The following HERC2 variants were observed in gnomAD, a reference collection of about 807,000 sequenced individuals.
HERC2 encodes E3 ubiquitin-protein ligase HERC2.
A neutral mutation model predicts 537.7 loss-of-function variants in HERC2; 102 were observed. The ratio of observed to expected loss-of-function variants is 0.19; its 90% CI spans 0.16 to 0.22. HERC2 has a LOEUF of 0.22. Ranked by LOEUF, HERC2 falls within the 10% of genes least tolerant of loss-of-function variation. The pLI, the probability that HERC2 is intolerant of heterozygous loss-of-function variation, is 1.00. For synonymous variants in HERC2, 2,224 were observed against 2,466.2 expected, an observed-to-expected ratio of 0.90 and a Z score of 2.91; for missense variants, 4,236 against 6,198.2, an observed-to-expected ratio of 0.68 and a Z score of 10.63.
At chr15:28,209,694 T>C (rs1898922650) in intron 44 of HERC2, among the ~76,000 whole-genome samples, 1 of 152,166 alleles carries the variant, frequency 6.6e-6, no homozygotes, top group Non-Finnish European at 1.5e-5. Context: ...ATAGGTTATA[T>C]GCAAATACTA....
intron 83 of HERC2, among the ~76,000 whole-genome samples, chr15:28,128,663 G>A (rs986159597): frequency 2.6e-5 from 4 of 152,202 alleles, no homozygotes; most frequent in Admixed American, 6.5e-5. Flanking sequence ...TGGCGCCCAC[G>A]TTTTTCACTG....
chr15:28,271,078 C>T (rs1596360447), intron 9 of HERC2, among the ~76,000 whole-genome samples: 1 of 152,278 alleles, frequency 6.6e-6, no homozygotes, highest in East Asian at 1.9e-4. Context: ...CACGCATACA[C>T]AACATTGACT....
At chr15:28,235,027 TA>T (rs1370952837) in intron 26 of HERC2, among the ~76,000 whole-genome samples, 1 of 152,146 alleles carries the variant, frequency 6.6e-6, no homozygotes, top group Non-Finnish European at 1.5e-5. Context: ...GTGCGAACGT[TA>T]ATTACAACTG....
At chr15:28,230,248 G>T in intron 31 of HERC2, 119 bp downstream of exon 31, 2 of 957,876 alleles carry the variant, frequency 2.1e-6, no homozygotes, top group Non-Finnish European at 3.3e-6. Context: ...CATCACTGGG[G>T]CCATGTTTCT....
intron 65 of HERC2, 90 bp downstream of exon 65, chr15:28,174,305 A>C: frequency 1.1e-6 from 1 of 925,164 alleles, no homozygotes; most frequent in South Asian, 1.7e-5. Flanking sequence ...TGGCACTACA[A>C]CCTCTAATTG....
chr15:28,152,901 G>C, intron 69 of HERC2, 71 bp from the exon 70 acceptor site: 7 of 1,452,074 alleles, frequency 4.8e-6, no homozygotes, highest in Non-Finnish European at 5.6e-6. Context: ...TGCCACCTCT[G>C]CCCGTCCTGC....
chr15:28,289,374 G>A (rs1296744149), intron 4 of HERC2, among the ~76,000 whole-genome samples: 1 of 148,924 alleles, frequency 6.7e-6, no homozygotes, highest in Non-Finnish European at 1.5e-5. Context: ...CAAATATGAT[G>A]TAAAAATCCT....
intron 20 of HERC2, among the ~76,000 whole-genome samples, chr15:28,250,560 T>C (rs1435608491): frequency 3.3e-5 from 5 of 152,196 alleles, no homozygotes; most frequent in East Asian, 1.9e-4. Flanking sequence ...CAAATGTAAA[T>C]GGTATTCTGT....
intron 86 of HERC2, chr15:28,117,758 G>A (rs1274022172): frequency 2.8e-6 from 1 of 358,994 alleles, no homozygotes; most frequent in Non-Finnish European, 5.5e-6. Flanking sequence ...GTCACTCCCT[G>A]CCCATCCTTC....
At chr15:28,206,881 C>T (rs990106300) in intron 44 of HERC2, among the ~76,000 whole-genome samples, 2 of 144,932 alleles carry the variant, frequency 1.4e-5, no homozygotes, top group South Asian at 2.3e-4. Flanking sequence ...CGTGGTGGTG[C>T]GTGCCTGTAA....
chr15:28,113,674 G>A lies in HERC2; in HGVS notation c.13918C>T (p.His4640Tyr). 6.2e-7 allele frequency: 1 copy of A among 1,613,724 alleles called. No homozygotes were observed. The highest frequency in any genetic ancestry group is 8.5e-7 in the Non-Finnish European group (1 of 1,179,642). The change falls in exon 91 of 93, where the codon CAT becomes TAT. Residue 4640 changes from histidine to tyrosine, a missense_variant. Physicochemically the swap from His to Tyr is moderately conservative, Grantham distance 83. Coordinates refer to ENST00000261609, the MANE Select transcript of HERC2 (RefSeq NM_004667.6). The surrounding 1 kb of genome is among the most constrained non-coding windows in gnomAD (Gnocchi z 7.0). ...YVRLAINYRL[H>Y]EFDEQVAAVR... The stretch of plus-strand genomic sequence containing the variant: ...GCAGCCACCTGCTCATCAAATTCAT[G>A]GAGTCTGGAAGAAAAAGCTCACTTT...
At chr15:28,310,435 A>T (rs1325090824) in intron 2 of HERC2, among the ~76,000 whole-genome samples, 2 of 152,148 alleles carry the variant, frequency 1.3e-5, no homozygotes, top group African/African-American at 4.8e-5. Context: ...ATAGAGCAAG[A>T]CCCTATCAAA....
intron 16 of HERC2, among the ~76,000 whole-genome samples, chr15:28,259,104 GT>G (rs1052122344): frequency 2.6e-5 from 4 of 151,980 alleles, no homozygotes; most frequent in African/African-American, 4.8e-5. Context: ...GTTTGTTTTT[GT>G]TTTTTTGAGA....
chr15:28,132,894 TAA>T, intron 79 of HERC2, 64 bp from the exon 80 acceptor site: 2 of 1,261,786 alleles, frequency 1.6e-6, no homozygotes, highest in South Asian at 1.8e-5. Flanking sequence ...TTCAGTGTAT[TAA>T]ATACCTCTCA....
At chr15:28,151,088 A>T (rs1892399943) in intron 70 of HERC2, among the ~76,000 whole-genome samples, 1 of 152,226 alleles carries the variant, frequency 6.6e-6, no homozygotes, top group Non-Finnish European at 1.5e-5. Context: ...AAATTAGGGC[A>T]TATTCTAAGA....
At chr15:28,306,234 G>A (rs112609812) in intron 2 of HERC2, among the ~76,000 whole-genome samples, 2,943 of 152,042 alleles carry the variant, frequency 0.019, 14 homozygotes, top group African/African-American at 0.067. Flanking sequence ...TTGCGTTGAG[G>A]TGTGTTCCTT....
At chr15:28,246,974 C>A in intron 21 of HERC2, 77 bp from the exon 22 acceptor site, 1 of 1,203,480 alleles carries the variant, frequency 8.3e-7, no homozygotes, top group Non-Finnish European at 1.2e-6. Flanking sequence ...CTCCATGATG[C>A]TATTCTCATC....
At chr15:28,228,101 G>T in intron 35 of HERC2, 117 bp downstream of exon 35, 1 of 892,222 alleles carries the variant, frequency 1.1e-6, no homozygotes, top group Non-Finnish European at 1.7e-6. Flanking sequence ...CTTCCTATTT[G>T]TGTCTTACCA....
At chr15:28,146,536 T>C (rs1891755389) in intron 70 of HERC2, among the ~76,000 whole-genome samples, 192 bp from the exon 71 acceptor site, 1 of 152,268 alleles carries the variant, frequency 6.6e-6, no homozygotes, top group Non-Finnish European at 1.5e-5. Flanking sequence ...GTCTGTGGAC[T>C]GGAAGGCCAG....
Sources: gnomAD v4.1 joint callset for allele counts (sites outside exome capture counted in the v4.1 genomes callset) on GRCh38, gnomAD v4.1.1 for gene constraint, Gnocchi (gnomAD v3.1) non-coding constraint, MANE v1.5 for transcripts, NCBI Gene and HGNC (gene_info 2026-07-23, HGNC 2026-07-21) for gene names.